Variants in CYFIP1 observed in about 807,000 individuals in gnomAD.
CYFIP1 encodes the protein cytoplasmic FMR1 interacting protein 1, also known as cytoplasmic FMR1-interacting protein 1.
In CYFIP1, 58 loss-of-function variants were observed where a neutral mutation model predicts 163.5. The ratio of observed to expected loss-of-function variants is 0.35; its 90% confidence interval spans 0.29 to 0.44. CYFIP1 has a LOEUF of 0.44. Ranked by LOEUF, CYFIP1 falls within the 20% of genes least tolerant of loss-of-function variation. The probability of loss-of-function intolerance (pLI) is 1.00; values close to 1 mark genes in which losing one functional copy is unlikely to be tolerated. For missense variants in CYFIP1, 1,338 were observed against 1,653.8 expected (o/e 0.81, Z 3.31); for synonymous variants, 663 against 660.7 (o/e 1.00, Z -0.05).
intron 14 of CYFIP1, among the ~76,000 whole-genome samples, chr15:22,918,157 T>C (rs1031448266): frequency 2.0e-5 from 3 of 152,202 alleles, no homozygotes; most frequent in African/African-American, 7.2e-5. Context: ...AAGACTGCCC[T>C]GAGCTCCAGT....
chr15:22,872,875 G>C lies in CYFIP1; in HGVS notation c.3547C>G (p.Leu1183Val), dbSNP rs200496028. The C allele has an allele frequency of 6.2e-6, 10 of 1,614,054 alleles. No homozygotes were observed. The highest frequency in any genetic ancestry group is 3.3e-5 in the Admixed American group (2 of 60,014). ...RFAVLDFCYH[L>V]LKVQKHDGKD... ...CCATCATGTTTCTGGACTTTAAGTA[G>C]ATGGTAGCAGAAATCCAGCACAGCA... The change falls in exon 30 of 31, where the codon CTA becomes GTA. Residue 1183 changes from leucine (L) to valine (V), a missense_variant. By Grantham distance (32) the Leu-to-Val change is conservative (BLOSUM62 1). Around this residue, in one of 4 missense-constraint regions of CYFIP1, gnomAD observed 306 missense variants for 322.1 expected, o/e 0.95. Transcript: ENST00000617928.
intron 9 of CYFIP1, among the ~76,000 whole-genome samples, chr15:22,935,986 G>T (rs2061699203): frequency 6.6e-6 from 1 of 152,150 alleles, no homozygotes; most frequent in East Asian, 1.9e-4. Context: ...ATATTAAAAT[G>T]TAAGGCCAGG....
At chr15:22,962,098 C>T (rs1292652958) in intron 1 of CYFIP1, among the ~76,000 whole-genome samples, 1 of 152,166 alleles carries the variant, frequency 6.6e-6, no homozygotes, top group Non-Finnish European at 1.5e-5. Context: ...GGCAGCACTA[C>T]TATAGGTAAT....
At chr15:22,923,838 G>C (rs1036596192) in intron 13 of CYFIP1, among the ~76,000 whole-genome samples, 1 of 150,938 alleles carries the variant, frequency 6.6e-6, no homozygotes. Flanking sequence ...AGCTACTTGG[G>C]AGGCTGGGGA....
chr15:22,874,666 A>G, intron 27 of CYFIP1, 22 bp from the exon 28 acceptor site: 1 of 1,523,798 alleles, frequency 6.6e-7, no homozygotes, highest in Non-Finnish European at 8.9e-7. Flanking sequence ...AAAATATTTT[A>G]CTATATTCTG....
chr15:22,919,262 A>T (rs889502655), intron 13 of CYFIP1, among the ~76,000 whole-genome samples: 1 of 152,218 alleles, frequency 6.6e-6, no homozygotes. Flanking sequence ...GTGAACTACC[A>T]TTCACAGAAA....
chr15:22,948,577 C>G (rs1178970048), intron 1 of CYFIP1, among the ~76,000 whole-genome samples: 1 of 152,124 alleles, frequency 6.6e-6, no homozygotes, highest in African/African-American at 2.4e-5. Context: ...ACACAAAGAA[C>G]GAGGAACGTA....
intron 22 of CYFIP1, among the ~76,000 whole-genome samples, chr15:22,894,868 T>C (rs1046170761): frequency 1.8e-5 from 2 of 109,564 alleles, no homozygotes; most frequent in Non-Finnish European, 4.2e-5. Context: ...ATATTTTATA[T>C]ATATATATAT....
intron 5 of CYFIP1, 53 bp from the exon 6 acceptor site, chr15:22,943,407 C>T: frequency 6.4e-7 from 1 of 1,567,224 alleles, no homozygotes; most frequent in East Asian, 2.2e-5. Context: ...AGGAGCCAAG[C>T]CCATGTCCCT....
intron 23 of CYFIP1, among the ~76,000 whole-genome samples, chr15:22,891,332 G>A (rs2060075824): frequency 6.6e-6 from 1 of 152,160 alleles, no homozygotes; most frequent in African/African-American, 2.4e-5. Context: ...GGTTGAGGCA[G>A]GAGGATCACT....
At chr15:22,972,842 C>CA (rs796139049) in intron 1 of CYFIP1, among the ~76,000 whole-genome samples, 47 of 151,958 alleles carry the variant, frequency 3.1e-4, no homozygotes, top group African/African-American at 1.1e-3. Flanking sequence ...CTTATTTCTA[C>CA]AAAAAAACAC....
intron 13 of CYFIP1, among the ~76,000 whole-genome samples, chr15:22,919,196 A>G (rs2061098045): frequency 6.6e-6 from 1 of 152,222 alleles, no homozygotes; most frequent in Non-Finnish European, 1.5e-5. Context: ...ATTACTAGAA[A>G]AAGAAGTTAC....
rs754956466 is a variant in CYFIP1, at chr15:22,873,741, ACAAGC to A, written c.3211-17_3211-13del. 1 of 1,606,370 alleles carries A rather than the reference ACAAGC, an allele frequency of 6.2e-7. No individual in the cohort carries two copies. The highest frequency in any genetic ancestry group is 1.1e-5 in the South Asian group (1 of 90,314). ...GCGATGGCAATTTGCTGCAGAAAGGACAAGCCGTGGAATGCCGTGGGCCTCCAGGC... is the reference window on the plus strand; with the variant it reads ...GCGATGGCAATTTGCTGCAGAAAGGACGTGGAATGCCGTGGGCCTCCAGGC... On this transcript the variant is annotated splice_polypyrimidine_tract_variant and intron_variant, in intron 28 of 30. Coordinates refer to ENST00000617928, the MANE Select transcript of CYFIP1 (RefSeq NM_014608.6).
At chr15:22,926,250 A>G (rs746044304) in intron 12 of CYFIP1, 143 bp from the exon 13 acceptor site, 305 of 1,209,704 alleles carry the variant, frequency 2.5e-4, no homozygotes, top group Non-Finnish European at 2.8e-4. Context: ...GGGCGCACAC[A>G]CCGTCCATCT....
chr15:22,869,753 GAC>G lies in CYFIP1; in HGVS notation c.*273_*274del, dbSNP rs1223083928. On this transcript the variant is annotated 3_prime_UTR_variant, in exon 31 of 31. Transcript: ENST00000617928. ...ATGAATGAACCCAGCAGCATTTTATGACACAGCTGCCAGAACATCCCATAGAA... is the reference window on the plus strand; with the variant it reads ...ATGAATGAACCCAGCAGCATTTTATGACAGCTGCCAGAACATCCCATAGAA... 1.0e-5 allele frequency: 3 copies of G among 286,406 alleles called. No individual in the cohort carries two copies. Among genetic ancestry groups the G allele is most frequent in the Non-Finnish European group, 6.4e-6 (1 of 156,324 alleles). The allele number at this position is 286,406 out of a possible 1,614,324, so 17.7% of individuals were successfully genotyped here.
At chr15:22,964,408 C>CAT (rs1941984784) in intron 1 of CYFIP1, among the ~76,000 whole-genome samples, 3 of 148,520 alleles carry the variant, frequency 2.0e-5, no homozygotes, top group Admixed American at 2.0e-4. Flanking sequence ...CACACACACA[C>CAT]CCGGCAGCCC....
chr15:22,940,606 C>T (rs911702869), intron 6 of CYFIP1, among the ~76,000 whole-genome samples: 1 of 152,214 alleles, frequency 6.6e-6, no homozygotes, highest in African/African-American at 2.4e-5. Flanking sequence ...CAGCTGCAGA[C>T]CACCCAATTC....
rs1360645018 is a variant in CYFIP1 at position 22,951,362 on chromosome 15, A to G, written c.-6-4071T>C. The G allele has an allele frequency of 3.3e-6, 4 of 1,228,788 alleles. No individual in the cohort carries two copies. In the African/African-American group the frequency reaches 4.7e-5, roughly 14 times the overall value. The allele number at this position is 1,228,788 out of a possible 1,614,324, so 76.1% of individuals were successfully genotyped here. ...TCCTGTTCCACACACCTCAGAAAGGAGCAGTGCAGGGCAGCCCCGGCCGGG... is the reference window on the plus strand; with the variant it reads ...TCCTGTTCCACACACCTCAGAAAGGGGCAGTGCAGGGCAGCCCCGGCCGGG... On this transcript the variant is annotated intron_variant, in intron 1 of 30. Transcript: ENST00000617928.
At chr15:22,901,353 C>T (rs926940374) in intron 22 of CYFIP1, among the ~76,000 whole-genome samples, 5 of 152,166 alleles carry the variant, frequency 3.3e-5, no homozygotes, top group African/African-American at 1.2e-4. Flanking sequence ...CTCAAATTAT[C>T]TCCCTACAAA....
Sources: gnomAD v4.1 joint callset for allele counts (sites outside exome capture counted in the v4.1 genomes callset) on GRCh38, gnomAD v4.1.1 for gene constraint, gnomAD v4.1.1 regional missense constraint, MANE v1.5 for transcripts, NCBI Gene and HGNC (gene_info 2026-07-23, HGNC 2026-07-21) for gene names.